The following ADK variants were observed in gnomAD, a reference collection of about 807,000 sequenced individuals.
ADK encodes N6,N6-dimethyladenosine kinase.
In ADK, 24 loss-of-function variants were observed where a neutral mutation model predicts 44.7. The observed-to-expected ratio is 0.54, with a 90% CI of 0.39 to 0.76. The LOEUF (loss-of-function observed/expected upper bound fraction) is 0.76. Ranked by LOEUF, ADK falls within the 30% of genes least tolerant of loss-of-function variation. ADK has a pLI of 0.00. For synonymous variants in ADK, 128 were observed against 142.6 expected (o/e 0.90, Z 0.73); for missense variants, 321 against 425.1 (o/e 0.76, Z 2.15).
chr10:74,570,929 A>G (rs1232428508), intron 7 of ADK, among the ~76,000 whole-genome samples: 1 of 152,168 alleles, frequency 6.6e-6, no homozygotes, highest in Non-Finnish European at 1.5e-5. Context: ...TGGGTTTGTC[A>G]TAGATAGCTG....
intron 6 of ADK, among the ~76,000 whole-genome samples, chr10:74,474,017 A>G (rs1013280509): frequency 1.3e-5 from 2 of 152,198 alleles, no homozygotes; most frequent in Non-Finnish European, 2.9e-5. Context: ...AATTACAACT[A>G]TGGTGTTCTA....
At chr10:74,694,079 TAAAACATAAG>T (rs1856082666) in intron 10 of ADK, among the ~76,000 whole-genome samples, 1 of 150,230 alleles carries the variant, frequency 6.7e-6, no homozygotes, top group African/African-American at 2.4e-5. Context: ...ATAGAATATT[TAAAACATAAG>T]AAAAACAAAC....
intron 3 of ADK, among the ~76,000 whole-genome samples, chr10:74,308,685 T>G (rs1249647995): frequency 6.6e-6 from 1 of 152,220 alleles, no homozygotes; most frequent in Non-Finnish European, 1.5e-5. Context: ...AGTTAAATTT[T>G]TGGAATTTCA....
intron 7 of ADK, among the ~76,000 whole-genome samples, chr10:74,562,248 A>G (rs1219283649): frequency 1.3e-5 from 2 of 152,202 alleles, no homozygotes; most frequent in Non-Finnish European, 2.9e-5. Context: ...CACATAGTAG[A>G]TGCTTAATAA....
intron 10 of ADK, among the ~76,000 whole-genome samples, chr10:74,706,874 A>G (rs1856620573): frequency 6.6e-6 from 1 of 152,096 alleles, no homozygotes; most frequent in South Asian, 2.1e-4. Context: ...TGAACACTTT[A>G]TGTCTATTTA....
At chr10:74,446,793 T>A (rs1458921277) in intron 6 of ADK, among the ~76,000 whole-genome samples, 1 of 152,146 alleles carries the variant, frequency 6.6e-6, no homozygotes, top group Non-Finnish European at 1.5e-5. Context: ...ATTTAGATAG[T>A]ACAGTGATTT....
intron 4 of ADK, chr10:74,344,882 C>G (rs1201064169): frequency 6.3e-6 from 1 of 158,990 alleles, no homozygotes; most frequent in African/African-American, 2.4e-5. Context: ...AGTGTTCCAA[C>G]CTTTGTTTGA....
intron 3 of ADK, among the ~76,000 whole-genome samples, chr10:74,272,520 CTGCCTCAG>C (rs1846475773): frequency 6.6e-6 from 1 of 152,194 alleles, no homozygotes; most frequent in Non-Finnish European, 1.5e-5. Context: ...AGCAATCCTC[CTGCCTCAG>C]CCTCCCAAAG....
At chr10:74,610,226 T>G (rs1354751813) in intron 9 of ADK, among the ~76,000 whole-genome samples, 1 of 152,154 alleles carries the variant, frequency 6.6e-6, no homozygotes, top group Non-Finnish European at 1.5e-5. Context: ...CAAAGGAATA[T>G]TATTCAGCTT....
chr10:74,473,396 C>G (rs559826958), intron 6 of ADK, among the ~76,000 whole-genome samples: 1 of 152,256 alleles, frequency 6.6e-6, no homozygotes, highest in African/African-American at 2.4e-5. Context: ...AACATTGGTA[C>G]AATACCATTA....
chr10:74,198,788 A>G (rs1427565478), intron 1 of ADK, among the ~76,000 whole-genome samples: 1 of 152,158 alleles, frequency 6.6e-6, no homozygotes, highest in Non-Finnish European at 1.5e-5. Flanking sequence ...TCTTATGGAA[A>G]ACAGACTTCC....
At chr10:74,570,726 A>G (rs1268755186) in intron 7 of ADK, among the ~76,000 whole-genome samples, 2 of 152,216 alleles carry the variant, frequency 1.3e-5, no homozygotes, top group African/African-American at 2.4e-5. Flanking sequence ...CAATCATGTC[A>G]TCTCAAACAG....
intron 3 of ADK, among the ~76,000 whole-genome samples, chr10:74,227,061 T>G (rs1844568915): frequency 6.6e-6 from 1 of 152,238 alleles, no homozygotes; most frequent in Non-Finnish European, 1.5e-5. Context: ...GCAACTCAAA[T>G]AGCCAAAATC....
At chr10:74,287,748 C>T (rs1010550568) in intron 3 of ADK, among the ~76,000 whole-genome samples, 1 of 151,848 alleles carries the variant, frequency 6.6e-6, no homozygotes. Context: ...CCTGTAATCC[C>T]AGCATTTTGG....
intron 6 of ADK, among the ~76,000 whole-genome samples, chr10:74,474,547 C>G: frequency 6.6e-6 from 1 of 150,554 alleles, no homozygotes; most frequent in Non-Finnish European, 1.5e-5. Flanking sequence ...TCCTTTCTCT[C>G]CTTTCTCCCT....
In ADK at chr10:74,274,707, T is replaced by C. The variant is rs1029762339; in HGVS notation, c.195-39960T>C. Among the ~76,000 whole-genome samples the C allele has an allele frequency of 5.7e-4, 80 of 140,228 alleles. 3 individuals carry two copies. Among genetic ancestry groups the C allele is most frequent in the Admixed American group, 2.2e-4 (3 of 13,952 alleles). The allele number at this position is 140,228 out of a possible 152,430, so 92.0% of individuals were successfully genotyped here. A position where few individuals can be genotyped will look rare whatever the true frequency, so the allele number is the denominator to read the frequency against. On this transcript the variant is annotated intron_variant, in intron 3 of 10. Transcript: ENST00000539909. ...CTTTTTAAGAGGGGGCAGAGGTGAT[T>C]AGTAGGAGAAAAATTTTAATGTGTG...
At chr10:74,257,264 C>T (rs544759575) in intron 3 of ADK, among the ~76,000 whole-genome samples, 2 of 152,212 alleles carry the variant, frequency 1.3e-5, no homozygotes, top group Admixed American at 6.5e-5. Flanking sequence ...TCTCTGTATG[C>T]GCAAGTTTCG....
At chr10:74,706,556 A>G (rs1368726589) in intron 10 of ADK, among the ~76,000 whole-genome samples, 1 of 152,198 alleles carries the variant, frequency 6.6e-6, no homozygotes, top group African/African-American at 2.4e-5. Flanking sequence ...AGTTGGCTAT[A>G]CAGAAGTAGG....
At chr10:74,647,196 A>G (rs1187233056) in intron 9 of ADK, among the ~76,000 whole-genome samples, 2 of 152,110 alleles carry the variant, frequency 1.3e-5, no homozygotes, top group Non-Finnish European at 2.9e-5. Flanking sequence ...CTAGCAGCAA[A>G]TGTTTGTTCT....
Sources: allele counts gnomAD v4.1 joint callset (sites outside exome capture counted in the v4.1 genomes callset), GRCh38; gene constraint gnomAD v4.1.1; transcripts MANE v1.5; gene names NCBI Gene and HGNC (gene_info 2026-07-23, HGNC 2026-07-21).